The following CIMAP1D variants were observed in gnomAD, a reference collection of about 807,000 sequenced individuals.
The protein encoded by CIMAP1D is CIMAP1 family member D.
At chr19:468,245 G>C in the CIMAP1D span, among the ~76,000 whole-genome samples, 3 of 152,014 alleles carry the variant, frequency 2.0e-5, no homozygotes, top group Non-Finnish European at 2.9e-5. Flanking sequence ...ATGCACCTGG[G>C]GTCCCAGCTC....
chr19:486,161 G>T, the CIMAP1D span, among the ~76,000 whole-genome samples: 1 of 152,216 alleles, frequency 6.6e-6, no homozygotes, highest in African/African-American at 2.4e-5. Flanking sequence ...TGTTACAGAC[G>T]AGGACACCGA....
the CIMAP1D span, chr19:464,086 G>A: frequency 5.9e-6 from 9 of 1,527,814 alleles, no homozygotes; most frequent in Non-Finnish European, 7.9e-6. Flanking sequence ...TTTGCGTCCG[G>A]GCTGTCGTAC....
the CIMAP1D span, among the ~76,000 whole-genome samples, chr19:483,640 G>A: frequency 4.6e-4 from 70 of 152,344 alleles, no homozygotes; most frequent in African/African-American, 1.7e-3. Flanking sequence ...GGGCAGGGAT[G>A]CCGCTAGGCA....
the CIMAP1D span, among the ~76,000 whole-genome samples, chr19:471,205 A>G: frequency 6.5e-4 from 93 of 143,178 alleles, no homozygotes; most frequent in African/African-American, 2.3e-3. Flanking sequence ...CTGGAGTGCA[A>G]TGGCATGATC....
At chr19:469,844 C>T in the CIMAP1D span, among the ~76,000 whole-genome samples, 2 of 152,096 alleles carry the variant, frequency 1.3e-5, no homozygotes, top group South Asian at 4.1e-4. Flanking sequence ...AAGCACTGAC[C>T]TTGGCCTCTA....
chr19:488,392 G>A, the CIMAP1D span, among the ~76,000 whole-genome samples: 2 of 152,056 alleles, frequency 1.3e-5, no homozygotes, highest in Non-Finnish European at 2.9e-5. Context: ...CGTGGTGGCA[G>A]GCGCCTGTAG....
the CIMAP1D span, among the ~76,000 whole-genome samples, chr19:491,258 CAG>C: frequency 6.6e-6 from 1 of 152,102 alleles, no homozygotes; most frequent in South Asian, 2.1e-4. Flanking sequence ...GCCTGGGCGA[CAG>C]AGTGACTCCG....
chr19:485,836 A>C, the CIMAP1D span, among the ~76,000 whole-genome samples: 1 of 152,140 alleles, frequency 6.6e-6, no homozygotes, highest in Non-Finnish European at 1.5e-5. Context: ...GGCTGCTGCC[A>C]CCGGCCCGTC....
the CIMAP1D span, chr19:474,529 C>T: frequency 7.9e-7 from 1 of 1,265,374 alleles, no homozygotes; most frequent in Non-Finnish European, 1.0e-6. Context: ...ACTCCTGCCT[C>T]CTGCTGGGCT....
At chr19:477,384 G>A in the CIMAP1D span, among the ~76,000 whole-genome samples, 2 of 152,086 alleles carry the variant, frequency 1.3e-5, no homozygotes, top group African/African-American at 4.8e-5. Flanking sequence ...GACCAGCCTG[G>A]CCACCATGGT....
At chr19:490,609 C>T in the CIMAP1D span, among the ~76,000 whole-genome samples, 1 of 152,244 alleles carries the variant, frequency 6.6e-6, no homozygotes, top group African/African-American at 2.4e-5. Context: ...TTCACAAACC[C>T]TAGCTGTTGC....
At chr19:487,212 G>A in the CIMAP1D span, among the ~76,000 whole-genome samples, 1,234 of 152,274 alleles carry the variant, frequency 8.1e-3, 5 homozygotes, top group Middle Eastern at 0.014. Context: ...TGAAGTTCGC[G>A]GCGATCTGTG....
At chr19:467,736 G>T in the CIMAP1D span, 1 of 1,607,844 alleles carries the variant, frequency 6.2e-7, no homozygotes, top group South Asian at 1.1e-5. Context: ...AAGTAGATGG[G>T]GCCCGGGCTG....
the CIMAP1D span, among the ~76,000 whole-genome samples, chr19:484,642 G>A: frequency 5.3e-5 from 8 of 152,210 alleles, no homozygotes; most frequent in African/African-American, 1.2e-4. Context: ...AGACATCTAC[G>A]GGGTGTCTGG....
the CIMAP1D span, among the ~76,000 whole-genome samples, chr19:475,427 G>C: frequency 2.0e-5 from 3 of 152,222 alleles, no homozygotes; most frequent in African/African-American, 7.2e-5. Context: ...ACAGTCTGGT[G>C]TATGAGGAGG....
the CIMAP1D span, among the ~76,000 whole-genome samples, chr19:483,900 T>G: frequency 2.0e-5 from 3 of 152,076 alleles, no homozygotes; most frequent in Non-Finnish European, 4.4e-5. Flanking sequence ...GCCTCTTCTG[T>G]GCGGCACGGG....
At chr19:486,236 C>T in the CIMAP1D span, among the ~76,000 whole-genome samples, 1 of 152,282 alleles carries the variant, frequency 6.6e-6, no homozygotes, top group Admixed American at 6.5e-5. Flanking sequence ...TCCTAGTGGG[C>T]TCTGCTGTAG....
At chr19:470,783 G>C in the CIMAP1D span, among the ~76,000 whole-genome samples, 11 of 152,366 alleles carry the variant, frequency 7.2e-5, no homozygotes, top group African/African-American at 2.2e-4. Context: ...GAATTTGGGA[G>C]CCCTGAGACC....
chr19:477,831 G>A, the CIMAP1D span, among the ~76,000 whole-genome samples: 1 of 152,094 alleles, frequency 6.6e-6, no homozygotes, highest in South Asian at 2.1e-4. Flanking sequence ...CGGCACGCAG[G>A]CCCTGCACGG....
Sources: gnomAD v4.1 joint callset for allele counts (sites outside exome capture counted in the v4.1 genomes callset) on GRCh38, gnomAD v4.1.1 for gene constraint, MANE v1.5 for transcripts, NCBI Gene and HGNC (gene_info 2026-07-23, HGNC 2026-07-21) for gene names.